Variants in TRPA1 observed in about 807,000 individuals in gnomAD.
TRPA1 encodes transient receptor potential cation channel subfamily A member 1, also known as ankyrin-like with transmembrane domains 1.
In TRPA1, 129 loss-of-function variants were observed where a neutral mutation model predicts 131.3. That is an observed-to-expected ratio of 0.98 (90% confidence interval 0.85 to 1.14). TRPA1 has a LOEUF of 1.14. TRPA1 is among the 50% of genes most tolerant of loss of function. TRPA1 has a pLI of 0.00. For synonymous variants in TRPA1, 441 were observed against 451.7 expected (o/e 0.98, Z 0.30); for missense variants, 1,304 against 1,354.2 (o/e 0.96, Z 0.58).
intron 3 of TRPA1, among the ~76,000 whole-genome samples, chr8:72,068,572 T>G (rs1168135546): frequency 6.6e-6 from 1 of 152,232 alleles, no homozygotes; most frequent in Non-Finnish European, 1.5e-5. Context: ...ACCTTCCTCC[T>G]TTTAGTCATT....
At position 72,057,729 on chromosome 8, in the gene TRPA1, G is replaced by A. The variant is rs1416517842; in HGVS notation, c.1081C>T (p.Leu361=). ...TCCCTCTTGGTACCTTTAGAGAGTA[G>A]CAAATTTACAATATTCCAAGATGCA... ...ASASWNIVNL[L]LSKGAQVDIK... is the part of the protein sequence containing the mutation. Residue 361 remains leucine (L), a synonymous_variant, in exon 9 of 27, where the codon CTA becomes TTA. Coordinates refer to ENST00000262209, the MANE Select transcript of TRPA1 (RefSeq NM_007332.3). The A allele has an allele frequency of 6.2e-7, 1 of 1,613,386 alleles. No homozygotes were observed. The highest frequency in any genetic ancestry group is 8.5e-7 in the Non-Finnish European group (1 of 1,179,470).
At chr8:72,060,861 T>TTAGCTATAGTTTC (rs1491411787) in intron 7 of TRPA1, among the ~76,000 whole-genome samples, 1 of 69,916 alleles carries the variant, frequency 1.4e-5, no homozygotes, top group Non-Finnish European at 2.9e-5. Context: ...CTATAGTTTC[T>TTAGCTATAGTTTC]TTTTTTTTTT....
intron 25 of TRPA1, among the ~76,000 whole-genome samples, chr8:72,024,247 T>G (rs952143874): frequency 6.6e-6 from 1 of 152,238 alleles, no homozygotes; most frequent in Non-Finnish European, 1.5e-5. Context: ...ACGAGATTCA[T>G]TGTTAATTAT....
At chr8:72,055,114 A>G (rs1344582212) in intron 12 of TRPA1, 1 of 326,322 alleles carries the variant, frequency 3.1e-6, no homozygotes, top group Non-Finnish European at 5.7e-6. Context: ...ATATGGCAGC[A>G]TGATGAGGTA....
the TRPA1 span, among the ~76,000 whole-genome samples, chr8:72,080,829 A>G: frequency 4.0e-5 from 6 of 151,816 alleles, no homozygotes; most frequent in African/African-American, 1.4e-4. Context: ...TTGTTGGCAC[A>G]AAGTTGTTCA....
intron 14 of TRPA1, among the ~76,000 whole-genome samples, chr8:72,052,232 G>T (rs770261232): frequency 6.6e-6 from 1 of 152,130 alleles, no homozygotes; most frequent in Non-Finnish European, 1.5e-5. Context: ...GACCAGCTTG[G>T]CTAACAAGGT....
Position 72,052,759 on chromosome 8 carries a change from C to T in TRPA1, c.1651G>A (p.Ala551Thr), listed in dbSNP as rs373925434. Residue 551 changes from alanine to threonine, a missense_variant, in exon 14 of 27, where the codon GCA becomes ACA. By Grantham distance (58) the Ala-to-Thr change is moderately conservative. Coordinates refer to ENST00000262209, the MANE Select transcript of TRPA1 (RefSeq NM_007332.3). ...TDRLDEDGNT[A>T]LHFAAREGHA... ...CCTTCCCTTGCAGCAAAGTGAAGTG[C>T]AGTGTTCTTTTGAAGAAAAACAGAC... is the stretch of plus-strand genomic sequence containing the variant. The T allele has an allele frequency of 1.2e-6, 2 of 1,612,678 alleles. No homozygotes were observed. The highest frequency in any genetic ancestry group is 1.7e-6 in the Non-Finnish European group (2 of 1,179,792).
At chr8:72,045,532 G>A (rs959731370) in intron 17 of TRPA1, among the ~76,000 whole-genome samples, 1 of 149,296 alleles carries the variant, frequency 6.7e-6, no homozygotes, top group Non-Finnish European at 1.5e-5. Context: ...TAGTTTTTAA[G>A]TTAGGAAGCC....
chr8:72,060,423 G>C (rs2129435974), intron 7 of TRPA1: 1 of 152,196 alleles, frequency 6.6e-6, no homozygotes, highest in African/African-American at 2.4e-5. Context: ...GCAACAGTTT[G>C]AGAATTTCTG....
the TRPA1 span, among the ~76,000 whole-genome samples, chr8:72,083,578 C>CA: frequency 5.6e-3 from 721 of 127,758 alleles, 1 homozygote; most frequent in African/African-American, 1.0e-2. Flanking sequence ...ACTAAAAATA[C>CA]AAAAAAAAAA....
rs1357543039 is a variant in TRPA1 at position 72,055,741 on chromosome 8, C to T, written c.1309G>A (p.Val437Met). The change falls in exon 11 of 27, where the codon GTG (valine) becomes ATG (methionine). Residue 437 changes from valine (V) to methionine (M), a missense_variant. By Grantham distance (21) the Val-to-Met change is conservative. Coordinates refer to ENST00000262209, the MANE Select transcript of TRPA1 (RefSeq NM_007332.3). ...GSVNNLLGFN[V>M]SIHSKSKDKK... Reference sequence around the variant, plus strand: ...TCTTTGCTTTTGGAATGAATGGACACATTAAAGCCAAGTAGGTTATTTACA... The same window carrying T: ...TCTTTGCTTTTGGAATGAATGGACATATTAAAGCCAAGTAGGTTATTTACA... 6.2e-6 allele frequency: 10 copies of T among 1,613,260 alleles called. No individual in the cohort carries two copies. The highest frequency in any genetic ancestry group is 8.5e-6 in the Non-Finnish European group (10 of 1,179,466).
chr8:72,037,169 T>C (rs957329439), intron 20 of TRPA1, among the ~76,000 whole-genome samples: 1 of 152,154 alleles, frequency 6.6e-6, no homozygotes, highest in Non-Finnish European at 1.5e-5. Context: ...AATGTACCTA[T>C]ATGAAAGTAC....
chr8:72,086,941 G>T, the TRPA1 span, among the ~76,000 whole-genome samples: 1 of 152,128 alleles, frequency 6.6e-6, no homozygotes, highest in Non-Finnish European at 1.5e-5. Flanking sequence ...TAAACTAATT[G>T]ATCCCAGTAC....
chr8:72,075,523 C>T lies in TRPA1; in HGVS notation c.-114G>A. On this transcript the variant is annotated 5_prime_UTR_variant, in exon 1 of 27. Transcript: ENST00000262209. ...TGGGGTCCGCGCGAGCCCGAGCTCT[C>T]CCGCGCTGCAGCTCACAGGCAGCGA... is the stretch of plus-strand genomic sequence containing the variant. 1 of 861,672 alleles carries T rather than the reference C, an allele frequency of 1.2e-6. No homozygotes were observed. 53.4% of individuals were successfully genotyped at this position (861,672 alleles called of 1,614,324 possible). A position where few individuals can be genotyped will look rare whatever the true frequency, so the allele number is the denominator to read the frequency against.
At chr8:72,073,015 G>A (rs1335759776) in intron 1 of TRPA1, among the ~76,000 whole-genome samples, 1 of 152,042 alleles carries the variant, frequency 6.6e-6, no homozygotes, top group Non-Finnish European at 1.5e-5. Context: ...ATGTCATTTA[G>A]ACAAAATATA....
At chr8:72,065,740 T>TGTTGTG (rs1805916502) in intron 3 of TRPA1, among the ~76,000 whole-genome samples, 182 bp from the exon 4 acceptor site, 1 of 152,198 alleles carries the variant, frequency 6.6e-6, no homozygotes, top group East Asian at 1.9e-4. Context: ...ATTTCCCCAT[T>TGTTGTG]AGATGAAATA....
chr8:72,053,070 G>A (rs1167748743), intron 13 of TRPA1: 1 of 350,232 alleles, frequency 2.9e-6, no homozygotes, highest in Non-Finnish European at 5.4e-6. Flanking sequence ...TTTGTTTTGT[G>A]TTGCTTTTGC....
chr8:72,076,278 C>T (rs1246916852), upstream of TRPA1, among the ~76,000 whole-genome samples: 7 of 152,244 alleles, frequency 4.6e-5, no homozygotes. Context: ...AGTTTGTTTG[C>T]CCCCAGCTTC....
chr8:72,031,156 G>A (rs1371432361), intron 23 of TRPA1, among the ~76,000 whole-genome samples: 1 of 152,200 alleles, frequency 6.6e-6, no homozygotes, highest in East Asian at 1.9e-4. Context: ...TCTAGGGCTT[G>A]AAAACTAGCA....
Sources: gnomAD v4.1 joint callset for allele counts (sites outside exome capture counted in the v4.1 genomes callset) on GRCh38, gnomAD v4.1.1 for gene constraint, MANE v1.5 for transcripts, NCBI Gene and HGNC (gene_info 2026-07-23, HGNC 2026-07-21) for gene names.